The following LRRN3 variants were observed in gnomAD, a reference collection of about 807,000 sequenced individuals.
LRRN3 encodes the protein leucine-rich repeat neuronal protein 3.
Under a neutral mutation model 40.1 loss-of-function variants are expected in LRRN3, and 15 were observed. That is an observed-to-expected ratio of 0.37 (90% CI 0.25 to 0.58). The LOEUF is 0.58. Among genes scored for constraint, LRRN3 ranks in the 20% least tolerant of loss-of-function variants. The probability of loss-of-function intolerance (pLI) is 0.72; values close to 1 mark genes in which losing one functional copy is unlikely to be tolerated. For synonymous variants in LRRN3, 308 were observed against 297.2 expected (o/e 1.04, Z -0.37); for missense variants, 746 against 837.7 (o/e 0.89, Z 1.35).
chr7:111,093,449 T>G (rs547723573), intron 1 of LRRN3, among the ~76,000 whole-genome samples: 1 of 152,338 alleles, frequency 6.6e-6, no homozygotes, highest in Non-Finnish European at 1.5e-5. Context: ...CTCAACCCTC[T>G]GATTTCAAAC....
rs1329271410 is a variant in LRRN3, at chr7:111,094,007, A to G, written c.-441+2503A>G. Among the ~76,000 whole-genome samples, 3 of 152,142 alleles carry G rather than the reference A, an allele frequency of 2.0e-5. No individual in the cohort carries two copies. The East Asian group carries it at 5.8e-4, about 29-fold the overall frequency. ...GGTGCTACCAGCCTTCCAGGCCAGC[A>G]ATTTAGTGACCTACAAAAAAGGTGA... On this transcript the variant is annotated intron_variant, in intron 1 of 2. Transcript: ENST00000308478.
At chr7:111,111,439 C>T (rs899715147) in intron 2 of LRRN3, among the ~76,000 whole-genome samples, 6 of 144,100 alleles carry the variant, frequency 4.2e-5, no homozygotes, top group Non-Finnish European at 1.5e-5. Flanking sequence ...AGTATTTTTA[C>T]TTCCCCCGCC....
chr7:111,108,136 TTGGAGACAAA>T (rs879894843), intron 2 of LRRN3, among the ~76,000 whole-genome samples: 3,233 of 152,236 alleles, frequency 0.021, 123 homozygotes, highest in African/African-American at 0.074. Flanking sequence ...CAGTCTGGGT[TTGGAGACAAA>T]AACCTCACAG....
At chr7:111,095,857 T>C (rs1158301899) in intron 1 of LRRN3, among the ~76,000 whole-genome samples, 6 of 151,872 alleles carry the variant, frequency 4.0e-5, no homozygotes, top group East Asian at 1.9e-4. Flanking sequence ...TGGAAAACAA[T>C]AAATATATTA....
chr7:111,124,876 G>C lies in LRRN3; in HGVS notation c.2104G>C (p.Gly702Arg). Reference sequence around the variant, plus strand: ...ACTGAAAGTAAAAGCAACTGTTATAGGTTTACCAACAAATATGTCCTAAAA... The same window carrying C: ...ACTGAAAGTAAAAGCAACTGTTATACGTTTACCAACAAATATGTCCTAAAA... ...TSLKVKATVI[G>R]LPTNMS Residue 702 changes from glycine (G) to arginine (R), a missense_variant, in exon 3 of 3, where the codon GGT (glycine) becomes CGT (arginine). Physicochemically the swap from Gly to Arg is moderately radical, Grantham distance 125. Transcript: ENST00000308478. The C allele has an allele frequency of 6.3e-7, 1 of 1,596,000 alleles. No homozygotes were observed. The highest frequency in any genetic ancestry group is 8.5e-7 in the Non-Finnish European group (1 of 1,175,392).
chr7:111,105,623 T>C (rs1798462294), intron 2 of LRRN3, among the ~76,000 whole-genome samples: 1 of 151,904 alleles, frequency 6.6e-6, no homozygotes, highest in Non-Finnish European at 1.5e-5. Context: ...ATACAACATG[T>C]ATTTTTGTTG....
chr7:111,092,993 G>A (rs1242016242), intron 1 of LRRN3, among the ~76,000 whole-genome samples: 1 of 152,100 alleles, frequency 6.6e-6, no homozygotes, highest in African/African-American at 2.4e-5. Context: ...ATAAGCCAAA[G>A]CAAAAAGACA....
At chr7:111,105,198 C>A (rs1017914928) in intron 2 of LRRN3, among the ~76,000 whole-genome samples, 1 of 151,790 alleles carries the variant, frequency 6.6e-6, no homozygotes, top group Non-Finnish European at 1.5e-5. Context: ...TAATTTGATT[C>A]TTCTTCATGA....
rs1799932409 is a variant in LRRN3 at position 111,116,800 on chromosome 7, T to C, written c.-358-5615T>C. 1.3e-5 allele frequency among the ~76,000 whole-genome samples: 2 copies of C among 152,186 alleles called. 1 individual carries two copies. Among genetic ancestry groups the C allele is most frequent in the South Asian group, 4.1e-4 (2 of 4,824 alleles). On this transcript the variant is annotated intron_variant, in intron 2 of 2. Transcript: ENST00000308478. ...CCAACAATAATAACAAAAAAGGCAG[T>C]GCACCTATACAGTTGGAGGAAACAC...
intron 2 of LRRN3, among the ~76,000 whole-genome samples, chr7:111,117,227 C>A (rs908016025): frequency 2.0e-5 from 3 of 152,044 alleles, no homozygotes; most frequent in Non-Finnish European, 2.9e-5. Context: ...TGAGTTTACA[C>A]ACATTCAATT....
rs563052285 is a variant in LRRN3, at chr7:111,122,942, A to G, written c.170A>G (p.Asp57Gly). The stretch of plus-strand genomic sequence containing the variant: ...GAAGCATCTACAGTGGATTGTAATG[A>G]TTTAGGTCTTTTAACTTTCCCAGCC... ...YMEASTVDCN[D>G]LGLLTFPARL... Residue 57 changes from aspartate (D) to glycine (G), a missense_variant, in exon 3 of 3, where the codon GAT becomes GGT. Asp to Gly is a moderately conservative substitution (Grantham distance 94). Transcript: ENST00000308478. 5 of 1,613,894 alleles carry G rather than the reference A, an allele frequency of 3.1e-6. No individual in the cohort carries two copies. The highest frequency in any genetic ancestry group is 3.4e-6 in the Non-Finnish European group (4 of 1,179,964).
intron 2 of LRRN3, among the ~76,000 whole-genome samples, chr7:111,100,752 G>A (rs1401461939): frequency 1.3e-5 from 2 of 151,182 alleles, no homozygotes; most frequent in Admixed American, 6.6e-5. Flanking sequence ...AAAATATCAT[G>A]GTTGAATTCC....
intron 1 of LRRN3, chr7:111,097,316 A>G (rs1392153092): frequency 6.6e-6 from 1 of 151,908 alleles, no homozygotes; most frequent in African/African-American, 2.4e-5. Context: ...CACAACACTT[A>G]CAAGTGACAT....
intron 2 of LRRN3, among the ~76,000 whole-genome samples, chr7:111,115,141 TA>T (rs1173541344): frequency 6.6e-6 from 1 of 151,986 alleles, no homozygotes; most frequent in Non-Finnish European, 1.5e-5. Context: ...ACAAGGTAAA[TA>T]AAAGAGAGGT....
In LRRN3 at chr7:111,122,368, A is replaced by C. The variant is rs184879929; in HGVS notation, c.-358-47A>C. 1.4e-3 allele frequency: 221 copies of C among 157,148 alleles called. 1 individual carries two copies. The highest frequency in any genetic ancestry group is 5.0e-3 in the African/African-American group (208 of 41,766). 9.7% of individuals were successfully genotyped at this position (157,148 alleles called of 1,614,324 possible). A position where few individuals can be genotyped will look rare whatever the true frequency, so the allele number is the denominator to read the frequency against. ...AATTATGGTATTTTTCATTTGTACT[A>C]ATTATTGTTCTCTTTTTTCTTTCAT... is the stretch of plus-strand genomic sequence containing the variant. On this transcript the variant is annotated intron_variant, in intron 2 of 2. Transcript: ENST00000308478.
chr7:111,121,681 G>A lies in LRRN3; in HGVS notation c.-358-734G>A, dbSNP rs28890022. 9.5e-3 allele frequency among the ~76,000 whole-genome samples: 1,444 copies of A among 152,108 alleles called. 23 individuals are homozygous for A. The highest frequency in any genetic ancestry group is 0.032 in the African/African-American group (1,332 of 41,520). ...GTAGAAGACAGTGTGGCGATTCCTC[G>A]GGGATCTAGAACTAGAAATACCATT... On this transcript the variant is annotated intron_variant, in intron 2 of 2. Transcript: ENST00000308478.
chr7:111,104,634 G>T (rs1442099727), intron 2 of LRRN3, among the ~76,000 whole-genome samples: 1 of 151,574 alleles, frequency 6.6e-6, no homozygotes, highest in African/African-American at 2.4e-5. Context: ...TTTTTGATTC[G>T]GGGAGCAAAT....
chr7:111,119,269 T>C (rs1487967905), intron 2 of LRRN3, among the ~76,000 whole-genome samples: 1 of 152,212 alleles, frequency 6.6e-6, no homozygotes, highest in Non-Finnish European at 1.5e-5. Flanking sequence ...GCAATAGATT[T>C]CTATTTTCAT....
chr7:111,124,440 C>T lies in LRRN3; in HGVS notation c.1668C>T (p.Ala556=), dbSNP rs1801037209. 6.2e-7 allele frequency: 1 copy of T among 1,613,640 alleles called. No individual in the cohort carries two copies. Among genetic ancestry groups the T allele is most frequent in the Non-Finnish European group, 8.5e-7 (1 of 1,179,908 alleles). Residue 556 remains alanine, a synonymous_variant, in exon 3 of 3, where the codon GCC becomes GCT. Coordinates refer to ENST00000308478, the MANE Select transcript of LRRN3 (RefSeq NM_001099658.2). Reference sequence around the variant, plus strand: ...TCAAATCTAGTGTTAAATGGACAGCCTTTGTCAAGACTGAAAATTCTCATG... The same window carrying T: ...TCAAATCTAGTGTTAAATGGACAGCTTTTGTCAAGACTGAAAATTCTCATG... ...KILKSSVKWT[A]FVKTENSHAA...
Sources: allele counts gnomAD v4.1 joint callset (sites outside exome capture counted in the v4.1 genomes callset), GRCh38; gene constraint gnomAD v4.1.1; transcripts MANE v1.5; gene names NCBI Gene and HGNC (gene_info 2026-07-23, HGNC 2026-07-21).